STXBP6: variants seen among roughly 807,000 people sequenced by gnomAD.
STXBP6 encodes syntaxin binding protein 6.
In STXBP6, 21 loss-of-function variants were observed where a neutral mutation model predicts 26.9. The ratio of observed to expected loss-of-function variants is 0.78; its 90% confidence interval spans 0.55 to 1.12. The LOEUF (loss-of-function observed/expected upper bound fraction) is 1.12, where lower values mean the gene tolerates loss of function less well. Among genes scored for constraint, STXBP6 ranks in the 50% most tolerant of loss-of-function variants. The probability of loss-of-function intolerance (pLI) is 0.00; values close to 1 mark genes in which losing one functional copy is unlikely to be tolerated. For synonymous variants in STXBP6, 97 were observed against 92.6 expected (o/e 1.05, Z -0.27); for missense variants, 232 against 257.9 (o/e 0.90, Z 0.69).
intron 2 of STXBP6, among the ~76,000 whole-genome samples, chr14:24,875,449 T>C (rs1481388408): frequency 6.6e-6 from 1 of 152,204 alleles, no homozygotes; most frequent in Non-Finnish European, 1.5e-5. Flanking sequence ...CTTCAACTCT[T>C]TATGTCCAGG....
intron 2 of STXBP6, among the ~76,000 whole-genome samples, chr14:24,939,936 A>C (rs1490648675): frequency 1.3e-5 from 2 of 152,212 alleles, no homozygotes; most frequent in Non-Finnish European, 2.9e-5. Flanking sequence ...TACAGAGCAT[A>C]ACAAACTGAG....
In STXBP6 at chr14:25,011,602, A is replaced by G. The variant is rs116721459; in HGVS notation, c.-32-36752T>C. 6.8e-3 allele frequency among the ~76,000 whole-genome samples: 1,030 copies of G among 152,308 alleles called. 11 individuals carry two copies. Among genetic ancestry groups the G allele is most frequent in the African/African-American group, 0.023 (966 of 41,564 alleles). ...CAAAATAATGTTTTCCCTGAGCCCC[A>G]GAGACTACAAAATCCAGTTATATTT... is the stretch of plus-strand genomic sequence containing the variant. On this transcript the variant is annotated intron_variant, in intron 1 of 5. Transcript: ENST00000323944.
rs146091539 is a variant in STXBP6 at position 24,949,604 on chromosome 14, ATGAG to A, written c.154+25057_154+25060del. 2.7e-3 allele frequency among the ~76,000 whole-genome samples: 405 copies of A among 152,372 alleles called. 1 individual carries two copies. The highest frequency in any genetic ancestry group is 3.8e-3 in the Non-Finnish European group (257 of 68,040). On this transcript the variant is annotated intron_variant, in intron 2 of 5. Transcript: ENST00000323944. Reference sequence around the variant, plus strand: ...AATGGAAATATTTCTCGAATGTAGAATGAGTGAGAAAATTGCCTTTAATCTGGCC... The same window carrying A: ...AATGGAAATATTTCTCGAATGTAGAATGAGAAAATTGCCTTTAATCTGGCC...
chr14:24,902,466 T>C (rs1215635027), intron 2 of STXBP6, among the ~76,000 whole-genome samples: 1 of 152,162 alleles, frequency 6.6e-6, no homozygotes, highest in Non-Finnish European at 1.5e-5. Context: ...AGGCTATATT[T>C]GAGACTTGAG....
At chr14:24,948,600 G>A (rs900875493) in intron 2 of STXBP6, among the ~76,000 whole-genome samples, 1 of 152,024 alleles carries the variant, frequency 6.6e-6, no homozygotes, top group Non-Finnish European at 1.5e-5. Flanking sequence ...CTCTGACCAT[G>A]AGCACATGGA....
At chr14:25,027,765 G>C (rs2075375207) in intron 1 of STXBP6, among the ~76,000 whole-genome samples, 1 of 152,234 alleles carries the variant, frequency 6.6e-6, no homozygotes, top group African/African-American at 2.4e-5. Context: ...AAACAGCCAA[G>C]TTGGGAATGC....
At chr14:24,894,618 C>A (rs1320202572) in intron 2 of STXBP6, among the ~76,000 whole-genome samples, 1 of 152,126 alleles carries the variant, frequency 6.6e-6, no homozygotes. Flanking sequence ...ATATTTATCA[C>A]CTGAGAGTTT....
At chr14:25,008,422 T>C (rs1234654683) in intron 1 of STXBP6, among the ~76,000 whole-genome samples, 2 of 152,114 alleles carry the variant, frequency 1.3e-5, no homozygotes, top group African/African-American at 4.8e-5. Context: ...AGGTCGAGGC[T>C]GTAGTGAGCC....
chr14:24,853,729 A>G (rs900894924), intron 4 of STXBP6, among the ~76,000 whole-genome samples: 1 of 152,068 alleles, frequency 6.6e-6, no homozygotes, highest in Non-Finnish European at 1.5e-5. Context: ...ATTTTTTCTT[A>G]CTACAGGAAA....
chr14:24,953,768 G>A (rs751177148), intron 2 of STXBP6, among the ~76,000 whole-genome samples: 2 of 152,170 alleles, frequency 1.3e-5, no homozygotes, highest in Non-Finnish European at 2.9e-5. Context: ...AACTATCTCA[G>A]GCTAAATGGT....
At chr14:25,041,710 A>G (rs1411608677) in intron 1 of STXBP6, among the ~76,000 whole-genome samples, 2 of 152,206 alleles carry the variant, frequency 1.3e-5, no homozygotes, top group East Asian at 3.9e-4. Context: ...CTCACTTCCA[A>G]ATGACATGGC....
At chr14:24,918,903 A>G (rs763212031) in intron 2 of STXBP6, among the ~76,000 whole-genome samples, 7 of 152,130 alleles carry the variant, frequency 4.6e-5, no homozygotes, top group Non-Finnish European at 8.8e-5. Context: ...TGTACTGTGA[A>G]ATAATGAATG....
intron 2 of STXBP6, among the ~76,000 whole-genome samples, chr14:24,916,940 C>A (rs965754584): frequency 6.6e-6 from 1 of 152,220 alleles, no homozygotes; most frequent in Non-Finnish European, 1.5e-5. Flanking sequence ...AACTCTTGGA[C>A]ACAAACATGA....
chr14:25,021,049 G>A (rs1320246049), intron 1 of STXBP6, among the ~76,000 whole-genome samples: 1 of 151,952 alleles, frequency 6.6e-6, no homozygotes, highest in South Asian at 2.1e-4. Flanking sequence ...TCTCCTCAAT[G>A]ACTAGTTCAC....
At chr14:24,966,114 A>G (rs981881193) in intron 2 of STXBP6, among the ~76,000 whole-genome samples, 9 of 152,168 alleles carry the variant, frequency 5.9e-5, no homozygotes, top group African/African-American at 2.2e-4. Context: ...GTGGTGGGAG[A>G]GCACACAGAT....
At chr14:25,000,085 C>T (rs7147314) in intron 1 of STXBP6, among the ~76,000 whole-genome samples, 40,868 of 150,092 alleles carry the variant, frequency 0.27, 7,838 homozygotes, top group African/African-American at 0.55. Context: ...TTTTTTGAGA[C>T]GGAGTCTTGC....
chr14:24,975,700 C>A (rs370865901), intron 1 of STXBP6, among the ~76,000 whole-genome samples: 19 of 152,286 alleles, frequency 1.2e-4, no homozygotes, highest in East Asian at 9.6e-4. Context: ...CCAGAACACA[C>A]ACATACATAG....
At chr14:24,953,369 T>C (rs2073234154) in intron 2 of STXBP6, among the ~76,000 whole-genome samples, 1 of 152,166 alleles carries the variant, frequency 6.6e-6, no homozygotes, top group South Asian at 2.1e-4. Context: ...TGTAAACCTA[T>C]CTTTGAGAGC....
chr14:24,843,792 C>T (rs776515240), intron 4 of STXBP6, among the ~76,000 whole-genome samples: 2 of 152,162 alleles, frequency 1.3e-5, no homozygotes, highest in Non-Finnish European at 2.9e-5. Flanking sequence ...ACATGTGACA[C>T]AGTAAGAATA....
Sources: allele counts gnomAD v4.1 joint callset (sites outside exome capture counted in the v4.1 genomes callset), GRCh38; gene constraint gnomAD v4.1.1; transcripts MANE v1.5; gene names NCBI Gene and HGNC (gene_info 2026-07-23, HGNC 2026-07-21).